The following SKP2 variants were observed in gnomAD, a reference collection of about 807,000 sequenced individuals.
SKP2 encodes S-phase kinase-associated protein 2.
SKP2 carries 16 observed loss-of-function variants against 51.8 expected under a neutral mutation model. That is an observed-to-expected ratio of 0.31 (90% confidence interval 0.21 to 0.47). SKP2 has a LOEUF of 0.47. SKP2 is among the 20% of genes least tolerant of loss of function. The probability of loss-of-function intolerance (pLI) is 1.00; values close to 1 mark genes in which losing one functional copy is unlikely to be tolerated. For synonymous variants in SKP2, 176 were observed against 198.6 expected (o/e 0.89, Z 0.96); for missense variants, 377 against 505.3 (o/e 0.75, Z 2.43).
intron 6 of SKP2, 47 bp downstream of exon 6, chr5:36,170,489 A>C: frequency 1.8e-6 from 2 of 1,118,548 alleles, no homozygotes; most frequent in African/African-American, 3.1e-5. Context: ...GTCAAACGTA[A>C]AATTATCCCT....
intron 6 of SKP2, among the ~76,000 whole-genome samples, chr5:36,190,683 CAA>C (rs70973094): frequency 1.7e-3 from 137 of 81,174 alleles, no homozygotes; most frequent in African/African-American, 6.5e-3. Context: ...CAAACATATG[CAA>C]AAAAAAAAAA....
chr5:36,153,625 A>C (rs1238033760), intron 2 of SKP2, among the ~76,000 whole-genome samples: 1 of 152,138 alleles, frequency 6.6e-6, no homozygotes, highest in Non-Finnish European at 1.5e-5. Context: ...CCCAACATCC[A>C]GTCATTCATC....
chr5:36,188,895 A>G (rs572701591), downstream of SKP2, among the ~76,000 whole-genome samples: 73 of 152,278 alleles, frequency 4.8e-4, no homozygotes, highest in Non-Finnish European at 8.2e-4. Context: ...GTCTTTTCAC[A>G]TAGTCCCATA....
At chr5:36,164,140 C>T (rs1026488314) in intron 3 of SKP2, among the ~76,000 whole-genome samples, 2 of 152,122 alleles carry the variant, frequency 1.3e-5, no homozygotes, top group Non-Finnish European at 2.9e-5. Context: ...GTGTTAGACC[C>T]GAGTGCACAC....
At chr5:36,157,510 A>G (rs925534373) in intron 2 of SKP2, among the ~76,000 whole-genome samples, 2 of 152,132 alleles carry the variant, frequency 1.3e-5, no homozygotes, top group East Asian at 1.9e-4. Flanking sequence ...CATGGCCTCA[A>G]ATGTATTATT....
chr5:36,185,056 GTCT>G (rs779956533), downstream of SKP2, among the ~76,000 whole-genome samples: 2 of 152,190 alleles, frequency 1.3e-5, no homozygotes, highest in Admixed American at 6.5e-5. Context: ...CTGCATAAAT[GTCT>G]TCTTTTCAGA....
chr5:36,172,888 T>C (rs928926689), intron 7 of SKP2, among the ~76,000 whole-genome samples: 6 of 152,132 alleles, frequency 3.9e-5, no homozygotes, highest in Non-Finnish European at 7.4e-5. Flanking sequence ...CATGTCTTCA[T>C]TTCATACCAC....
chr5:36,156,856 G>A (rs757449048), intron 2 of SKP2, among the ~76,000 whole-genome samples: 32 of 152,170 alleles, frequency 2.1e-4, no homozygotes, highest in South Asian at 1.0e-3. Context: ...ATTCTGATCC[G>A]GGGAGTCCTG....
At chr5:36,170,556 G>A in intron 6 of SKP2, 114 bp downstream of exon 6, 4 of 607,378 alleles carry the variant, frequency 6.6e-6, no homozygotes, top group African/African-American at 3.8e-5. Flanking sequence ...CCAGGCTCTT[G>A]ATTTGGTGAA....
intron 9 of SKP2, among the ~76,000 whole-genome samples, chr5:36,179,821 C>A (rs1386257824): frequency 6.6e-6 from 1 of 152,004 alleles, no homozygotes; most frequent in Non-Finnish European, 1.5e-5. Context: ...TTTGCTATCC[C>A]TTAGTTTGCT....
chr5:36,160,580 TG>T (rs1268006556), intron 2 of SKP2, among the ~76,000 whole-genome samples: 1 of 152,224 alleles, frequency 6.6e-6, no homozygotes, highest in African/African-American at 2.4e-5. Context: ...AATAAATACG[TG>T]AGTGGATGAC....
chr5:36,168,974 G>A (rs1745381679), intron 5 of SKP2, among the ~76,000 whole-genome samples: 1 of 152,184 alleles, frequency 6.6e-6, no homozygotes, highest in African/African-American at 2.4e-5. Context: ...TAGGTAATAA[G>A]ACAAAGCAAC....
chr5:36,158,425 T>C (rs1745019147), intron 2 of SKP2, among the ~76,000 whole-genome samples: 1 of 152,220 alleles, frequency 6.6e-6, no homozygotes, highest in South Asian at 2.1e-4. Flanking sequence ...CAGCAGCCCA[T>C]ATCAGGCTGT....
At chr5:36,175,972 C>G (rs27128) in intron 7 of SKP2, among the ~76,000 whole-genome samples, 93,183 of 151,650 alleles carry the variant, frequency 0.61, 34,313 homozygotes, top group Non-Finnish European at 0.82. Flanking sequence ...AATCAGTTCA[C>G]TATCCAAAAA....
rs199638969 is a variant in SKP2, at chr5:36,163,667, G to T, written c.303G>T (p.Pro101=). 4 of 1,613,620 alleles carry T rather than the reference G, an allele frequency of 2.5e-6. No individual in the cohort carries two copies. The Admixed American group carries it at 6.7e-5, about 27-fold the overall frequency. Residue 101 remains proline, a synonymous_variant, in exon 3 of 10, where the codon CCG becomes CCT. Coordinates refer to ENST00000274255, the MANE Select transcript of SKP2 (RefSeq NM_005983.4). ...AAGGTGTTTCATGGGACTCCCTTCC[G>T]GATGAGCTGCTCTTGGGAATCTTTT... is the stretch of plus-strand genomic sequence containing the variant. ...NFPGVSWDSL[P]DELLLGIFSC...
chr5:36,161,613 A>T (rs1190449516), intron 2 of SKP2, among the ~76,000 whole-genome samples: 2 of 152,238 alleles, frequency 1.3e-5, no homozygotes, highest in Non-Finnish European at 2.9e-5. Flanking sequence ...TTAACTTTGT[A>T]CTAAGCATTG....
At chr5:36,173,887 A>G (rs1745551059) in intron 7 of SKP2, among the ~76,000 whole-genome samples, 1 of 152,182 alleles carries the variant, frequency 6.6e-6, no homozygotes, top group African/African-American at 2.4e-5. Context: ...CCTGGGTTCA[A>G]ATATCCACTC....
chr5:36,163,840 A>C, intron 3 of SKP2, 84 bp downstream of exon 3: 1 of 876,680 alleles, frequency 1.1e-6, no homozygotes, highest in South Asian at 1.4e-5. Flanking sequence ...GATGAAACTA[A>C]AAACCAAGAA....
intron 4 of SKP2, among the ~76,000 whole-genome samples, chr5:36,167,610 T>TC (rs1320325330): frequency 1.2e-5 from 1 of 80,060 alleles, no homozygotes. Context: ...AAATTTGGCC[T>TC]CCCTTTTTTT....
Sources: allele counts gnomAD v4.1 joint callset (sites outside exome capture counted in the v4.1 genomes callset), GRCh38; gene constraint gnomAD v4.1.1; transcripts MANE v1.5; gene names NCBI Gene and HGNC (gene_info 2026-07-23, HGNC 2026-07-21).